Variants in PRRC2C observed in about 807,000 individuals in gnomAD.
The protein encoded by PRRC2C is protein PRRC2C.
PRRC2C carries 72 observed loss-of-function variants against 317.2 expected under a neutral mutation model. The ratio of observed to expected loss-of-function variants is 0.23; its 90% CI spans 0.19 to 0.28. The LOEUF is 0.28. PRRC2C is among the 10% of genes least tolerant of loss of function. The pLI is 1.00. For synonymous variants in PRRC2C, 1,296 were observed against 1,205.9 expected (o/e 1.07, Z -1.55); for missense variants, 3,074 against 3,459.7 (o/e 0.89, Z 2.80).
At position 171,535,899 on chromosome 1, in the gene PRRC2C, G is replaced by GT; in HGVS notation, c.2044-128dup. The GT allele has an allele frequency of 3.2e-6, 4 of 1,254,546 alleles. No individual in the cohort carries two copies. The South Asian group carries it at 5.8e-5, about 18-fold the overall frequency. 77.7% of individuals were successfully genotyped at this position (1,254,546 alleles called of 1,614,324 possible). On this transcript the variant is annotated intron_variant, in intron 13 of 34. Transcript: ENST00000647382. The stretch of plus-strand genomic sequence containing the variant: ...TTTTTTGTCTTGCCAACTCTTAACT[G>GT]TTAAATACCTTTTGAACTCTTACTT...
Position 171,536,194 on chromosome 1 carries a change from C to T in PRRC2C, c.2209C>T (p.Pro737Ser). ...PQHLASMGFD[P>S]RWLMMQSYMD... ...GCATTTGGCTTCTATGGGTTTTGAT[C>T]CAAGGTGGCTCATGATGCAGTCCTA... Residue 737 changes from proline (P) to serine (S), a missense_variant, in exon 14 of 35, where the codon CCA (proline) becomes TCA (serine). Pro to Ser is a moderately conservative substitution (Grantham distance 74, BLOSUM62 -1). Transcript: ENST00000647382. 6.2e-7 allele frequency: 1 copy of T among 1,613,334 alleles called. No homozygotes were observed. The highest frequency in any genetic ancestry group is 8.5e-7 in the Non-Finnish European group (1 of 1,179,622).
Position 171,550,113 on chromosome 1 carries a change from A to G in PRRC2C, c.5000A>G (p.Glu1667Gly). The G allele has an allele frequency of 6.2e-7, 1 of 1,607,668 alleles. No individual in the cohort carries two copies. The highest frequency in any genetic ancestry group is 1.1e-5 in the South Asian group (1 of 89,716). The change falls in exon 18 of 35, where the codon GAA becomes GGA. Residue 1667 changes from glutamate to glycine, a missense_variant. Transcript: ENST00000647382. ...GTTGTTATAATTGATGATCATCCTG[A>G]AGTAACAGTAATTGAAGATCCCCAG... ...ASVVIIDDHPEVTVIEDPQSN... is the reference protein window; with the variant it reads ...ASVVIIDDHPGVTVIEDPQSN...
rs187993980 is a variant in PRRC2C, at chr1:171,527,423, G to A, written c.1201-368G>A. Among the ~76,000 whole-genome samples the A allele has an allele frequency of 1.5e-4, 23 of 152,004 alleles. No homozygotes were observed. In the East Asian group the frequency reaches 3.1e-3, roughly 21 times the overall value. The stretch of plus-strand genomic sequence containing the variant: ...GCTGGGATTACACGTGTGAATCACC[G>A]CACCCAGCAGATATATTTTTTCTTA... On this transcript the variant is annotated intron_variant, in intron 10 of 34. Coordinates refer to ENST00000647382, the MANE Select transcript of PRRC2C (RefSeq NM_001387844.1).
At chr1:171,490,346 C>T (rs1666893348) in intron 1 of PRRC2C, among the ~76,000 whole-genome samples, 1 of 151,998 alleles carries the variant, frequency 6.6e-6, no homozygotes, top group Admixed American at 6.5e-5. Context: ...CTTTGTATTC[C>T]ACCCTTTGGG....
At chr1:171,580,811 A>G (rs1253589597) in intron 28 of PRRC2C, among the ~76,000 whole-genome samples, 1 of 152,208 alleles carries the variant, frequency 6.6e-6, no homozygotes, top group Non-Finnish European at 1.5e-5. Context: ...GCCTTAAATC[A>G]TCATAAAGAA....
chr1:171,490,511 C>A (rs986548879), intron 1 of PRRC2C, among the ~76,000 whole-genome samples: 11 of 152,202 alleles, frequency 7.2e-5, no homozygotes, highest in African/African-American at 2.4e-4. Flanking sequence ...ATACTTGAGA[C>A]AACCACTTTC....
intron 31 of PRRC2C, 100 bp from the exon 32 acceptor site, chr1:171,587,548 G>T (rs926055776): frequency 1.2e-6 from 1 of 801,356 alleles, no homozygotes; most frequent in African/African-American, 1.7e-5. Context: ...AAGGTTCTTT[G>T]CCCTTTCCTA....
At chr1:171,519,900 G>A (rs1673226514) in intron 6 of PRRC2C, among the ~76,000 whole-genome samples, 3 of 152,108 alleles carry the variant, frequency 2.0e-5, no homozygotes, top group Non-Finnish European at 2.9e-5. Flanking sequence ...CAATTTTGCT[G>A]CCAAAGTGAG....
At chr1:171,517,560 C>G (rs1672612136) in intron 5 of PRRC2C, 31 bp from the exon 6 acceptor site, 2 of 1,577,072 alleles carry the variant, frequency 1.3e-6, no homozygotes, top group African/African-American at 1.4e-5. Flanking sequence ...AGATTTTTAT[C>G]TTTTTCCTTT....
At chr1:171,533,180 T>A (rs1676184692) in intron 12 of PRRC2C, among the ~76,000 whole-genome samples, 1 of 152,220 alleles carries the variant, frequency 6.6e-6, no homozygotes, top group Non-Finnish European at 1.5e-5. Flanking sequence ...TGAGCTTCAT[T>A]TCTGTTTTAT....
intron 25 of PRRC2C, among the ~76,000 whole-genome samples, chr1:171,576,519 A>G (rs963034047): frequency 2.0e-5 from 3 of 152,232 alleles, no homozygotes; most frequent in Admixed American, 6.5e-5. Flanking sequence ...GGCTAGTACT[A>G]AAGTCATAAT....
intron 2 of PRRC2C, 80 bp from the exon 3 acceptor site, chr1:171,512,915 A>G: frequency 9.3e-6 from 12 of 1,290,198 alleles, no homozygotes; most frequent in Non-Finnish European, 1.2e-5. Context: ...ATTAATTCCT[A>G]TTGTTTTTCT....
intron 16 of PRRC2C, among the ~76,000 whole-genome samples, chr1:171,545,028 A>G (rs1678801432): frequency 6.6e-6 from 1 of 152,224 alleles, no homozygotes; most frequent in Admixed American, 6.5e-5. Context: ...TCAATGTGTA[A>G]ATCTGATTAC....
chr1:171,524,789 C>G, intron 9 of PRRC2C, 32 bp from the exon 10 acceptor site: 1 of 1,514,428 alleles, frequency 6.6e-7, no homozygotes, highest in South Asian at 1.3e-5. Context: ...ACAGTTGGTC[C>G]ACTTTATTTC....
intron 3 of PRRC2C, among the ~76,000 whole-genome samples, chr1:171,513,973 T>C (rs906666064): frequency 6.6e-6 from 1 of 152,226 alleles, no homozygotes; most frequent in Admixed American, 6.5e-5. Flanking sequence ...TACTTTCTTA[T>C]TTTTAAGCAT....
intron 23 of PRRC2C, among the ~76,000 whole-genome samples, 163 bp downstream of exon 23, chr1:171,568,502 A>T (rs1289392766): frequency 6.6e-6 from 1 of 152,212 alleles, no homozygotes; most frequent in Non-Finnish European, 1.5e-5. Context: ...ATTAGCAAAA[A>T]TAGTCAAAGC....
chr1:171,518,359 A>G (rs1004978246), intron 6 of PRRC2C, among the ~76,000 whole-genome samples: 1 of 151,622 alleles, frequency 6.6e-6, no homozygotes, highest in Non-Finnish European at 1.5e-5. Context: ...GAGGAGGTCC[A>G]TAGGTCCATA....
chr1:171,526,803 A>ATTTTTTTTTTTTTTTTTTT (rs1557918055), intron 10 of PRRC2C, among the ~76,000 whole-genome samples: 1 of 85,794 alleles, frequency 1.2e-5, no homozygotes, highest in Non-Finnish European at 2.4e-5. Context: ...TCAGAAATAT[A>ATTTTTTTTTTTTTTTTTTT]TCTTTTTTTT....
intron 6 of PRRC2C, among the ~76,000 whole-genome samples, chr1:171,518,682 T>TTTTTTA (rs386368728): frequency 6.8e-6 from 1 of 146,346 alleles, no homozygotes. Flanking sequence ...TTTTTTTTTT[T>TTTTTTA]GGTAGAGATG....
Sources: allele counts gnomAD v4.1 joint callset (sites outside exome capture counted in the v4.1 genomes callset), GRCh38; gene constraint gnomAD v4.1.1; transcripts MANE v1.5; gene names NCBI Gene and HGNC (gene_info 2026-07-23, HGNC 2026-07-21).